Variants in CNTN4 observed in about 807,000 individuals in gnomAD.
CNTN4 encodes the protein contactin 4, also known as contactin-4.
Under a neutral mutation model 122.5 loss-of-function variants are expected in CNTN4, and 77 were observed. That is an observed-to-expected ratio of 0.63 (90% CI 0.52 to 0.76). CNTN4 has a LOEUF of 0.76. CNTN4 is among the 30% of genes least tolerant of loss of function. CNTN4 has a pLI of 0.00. For missense variants in CNTN4, 1,256 were observed against 1,259.1 expected (o/e 1.00, Z 0.04); for synonymous variants, 512 against 447.0 (o/e 1.15, Z -1.83).
chr3:2,730,009 G>T (rs2088563802), intron 4 of CNTN4, among the ~76,000 whole-genome samples: 1 of 152,166 alleles, frequency 6.6e-6, no homozygotes, highest in South Asian at 2.1e-4. Context: ...AATCCAGTAG[G>T]TCTGGGAGGG....
rs79925895 is a variant in CNTN4, at chr3:2,537,522, A to C, written c.-88-33894A>C. Among the ~76,000 whole-genome samples the C allele has an allele frequency of 3.5e-4, 53 of 152,180 alleles. No individual in the cohort carries two copies. In the East Asian group the frequency reaches 5.6e-3, roughly 16 times the overall value. On this transcript the variant is annotated intron_variant, in intron 3 of 24. Coordinates refer to ENST00000418658, the MANE Select transcript of CNTN4 (RefSeq NM_175607.3). ...GCCTCATATGTCTCTCTGAATGTAAAGATTTTGCCTACATCTGATGAAAAC... is the reference window on the plus strand; with the variant it reads ...GCCTCATATGTCTCTCTGAATGTAACGATTTTGCCTACATCTGATGAAAAC...
At chr3:2,187,737 C>T (rs1206171245) in intron 2 of CNTN4, among the ~76,000 whole-genome samples, 1 of 152,124 alleles carries the variant, frequency 6.6e-6, no homozygotes. Flanking sequence ...AGCAGGACCA[C>T]CTTATGCCGC....
intron 3 of CNTN4, among the ~76,000 whole-genome samples, chr3:2,343,517 T>C (rs1359126040): frequency 6.6e-6 from 1 of 152,210 alleles, no homozygotes; most frequent in Non-Finnish European, 1.5e-5. Context: ...TTCATTTACA[T>C]AGTGTAACTA....
intron 6 of CNTN4, among the ~76,000 whole-genome samples, chr3:2,811,036 A>AG (rs1030641386): frequency 6.6e-6 from 1 of 152,126 alleles, no homozygotes; most frequent in Non-Finnish European, 1.5e-5. Context: ...AGAAAAAAAA[A>AG]AAGATCAGAA....
chr3:2,539,536 TA>T (rs2077949266), intron 3 of CNTN4, among the ~76,000 whole-genome samples: 1 of 152,138 alleles, frequency 6.6e-6, no homozygotes. Flanking sequence ...GCCCTAGGTA[TA>T]AATCCCGAAG....
chr3:2,735,853 C>A (rs1370912510), intron 4 of CNTN4: 1 of 425,174 alleles, frequency 2.4e-6, no homozygotes, highest in South Asian at 1.7e-5. Context: ...CACTAGACAG[C>A]CATCCACAAT....
chr3:2,768,165 C>A (rs2090943844), intron 6 of CNTN4, among the ~76,000 whole-genome samples: 1 of 152,122 alleles, frequency 6.6e-6, no homozygotes, highest in South Asian at 2.1e-4. Context: ...ACAAATGTAT[C>A]CTTCATTTGA....
At chr3:2,994,885 G>T (rs971999729) in intron 14 of CNTN4, among the ~76,000 whole-genome samples, 1 of 151,986 alleles carries the variant, frequency 6.6e-6, no homozygotes, top group African/African-American at 2.4e-5. Flanking sequence ...ATACAATGAC[G>T]GTTGGCTGCT....
intron 2 of CNTN4, among the ~76,000 whole-genome samples, chr3:2,267,963 A>G (rs1051077784): frequency 6.6e-6 from 1 of 152,084 alleles, no homozygotes; most frequent in African/African-American, 2.4e-5. Context: ...ATGAGAAGTG[A>G]TCATATTCTG....
intron 20 of CNTN4, chr3:3,040,963 A>T (rs1700111710): frequency 6.5e-6 from 1 of 153,050 alleles, no homozygotes; most frequent in South Asian, 2.1e-4. Context: ...TAAAGAAAAG[A>T]GTAAGTCATG....
At chr3:2,541,933 T>TA (rs2078047181) in intron 3 of CNTN4, among the ~76,000 whole-genome samples, 1 of 152,072 alleles carries the variant, frequency 6.6e-6, no homozygotes, top group Admixed American at 6.6e-5. Context: ...GTTGTGAAAC[T>TA]AAAAGGCACT....
chr3:2,505,098 A>G (rs561060144), intron 3 of CNTN4, among the ~76,000 whole-genome samples: 7 of 152,282 alleles, frequency 4.6e-5, no homozygotes, highest in African/African-American at 1.7e-4. Context: ...GAATTGGTTC[A>G]TTGTATTGTG....
rs190340020 is a variant in CNTN4, at chr3:3,055,143, G to A, written c.2981-977G>A. Among the ~76,000 whole-genome samples, 43 of 152,218 alleles carry A rather than the reference G, an allele frequency of 2.8e-4. No homozygotes were observed. In the East Asian group the frequency reaches 5.2e-3, roughly 18 times the overall value. ...CACAAAAGGCATTTTTGTCTTAAAA[G>A]GGGGACAATTGGATTATACTTTATC... On this transcript the variant is annotated intron_variant, in intron 24 of 24. Transcript: ENST00000418658.
At chr3:2,810,729 T>G (rs1487587180) in intron 6 of CNTN4, among the ~76,000 whole-genome samples, 1 of 152,264 alleles carries the variant, frequency 6.6e-6, no homozygotes, top group African/African-American at 2.4e-5. Flanking sequence ...CCTGATTGAA[T>G]TAATTCACTC....
At chr3:2,191,282 C>T (rs2037532687) in intron 2 of CNTN4, among the ~76,000 whole-genome samples, 1 of 150,700 alleles carries the variant, frequency 6.6e-6, no homozygotes, top group African/African-American at 2.4e-5. Flanking sequence ...TTAACCCAGA[C>T]ATAGAACTCA....
chr3:2,863,532 A>G (rs1490789108), intron 7 of CNTN4, among the ~76,000 whole-genome samples: 5 of 117,094 alleles, frequency 4.3e-5, no homozygotes, highest in Non-Finnish European at 7.5e-5. Context: ...CTTTAATTCA[A>G]TATTTGTTGT....
At chr3:3,024,399 A>C (rs1021316031) in intron 14 of CNTN4, among the ~76,000 whole-genome samples, 4 of 150,658 alleles carry the variant, frequency 2.7e-5, no homozygotes, top group African/African-American at 4.9e-5. Flanking sequence ...AAAAAAAAAA[A>C]AAAAAAAAAC....
chr3:2,483,153 G>C (rs114334615), intron 3 of CNTN4, among the ~76,000 whole-genome samples: 2,429 of 152,308 alleles, frequency 0.016, 25 homozygotes, highest in Non-Finnish European at 0.023. Context: ...GAGCCCACCT[G>C]TTGCATCAGT....
At chr3:2,366,984 T>C (rs1484646284) in intron 3 of CNTN4, among the ~76,000 whole-genome samples, 1 of 152,112 alleles carries the variant, frequency 6.6e-6, no homozygotes, top group African/African-American at 2.4e-5. Flanking sequence ...TAAGGATATA[T>C]GTACTTTGTG....
Sources: gnomAD v4.1 joint callset for allele counts (sites outside exome capture counted in the v4.1 genomes callset) on GRCh38, gnomAD v4.1.1 for gene constraint, MANE v1.5 for transcripts, NCBI Gene and HGNC (gene_info 2026-07-23, HGNC 2026-07-21) for gene names.